Variants in CDHR2 observed in about 807,000 individuals in gnomAD.
The protein encoded by CDHR2 is cadherin-related family member 2.
Under a neutral mutation model 138.6 loss-of-function variants are expected in CDHR2, and 104 were observed. That is an observed-to-expected ratio of 0.75 (90% confidence interval 0.64 to 0.88). The LOEUF is 0.88. Ranked by LOEUF, CDHR2 falls within the 40% of genes least tolerant of loss-of-function variation. The pLI is 0.00. For synonymous variants in CDHR2, 755 were observed against 742.8 expected (o/e 1.02, Z -0.27); for missense variants, 1,624 against 1,727.6 (o/e 0.94, Z 1.06).
chr5:176,567,268 A>T (rs781255073), intron 3 of CDHR2, among the ~76,000 whole-genome samples: 4 of 151,396 alleles, frequency 2.6e-5, no homozygotes, highest in Non-Finnish European at 5.9e-5. Flanking sequence ...CCTGGGCTCA[A>T]CTGATCCTCC....
intron 22 of CDHR2, 64 bp downstream of exon 22, chr5:176,589,246 C>A (rs926249387): frequency 6.2e-7 from 1 of 1,602,470 alleles, no homozygotes; most frequent in Non-Finnish European, 8.5e-7. Context: ...TTTCAGGCAG[C>A]AAGTCCCCCA....
chr5:176,580,166 GCACTCACACA>G (rs1248817178), intron 16 of CDHR2, among the ~76,000 whole-genome samples: 4 of 90,202 alleles, frequency 4.4e-5, no homozygotes, highest in African/African-American at 1.8e-4. Context: ...ACTCACACAC[GCACTCACACA>G]CACTCACACA....
upstream of CDHR2, chr5:176,547,481 GCA>G (rs1757610176): frequency 6.6e-6 from 1 of 152,130 alleles, no homozygotes; most frequent in South Asian, 2.1e-4. Context: ...CTATTCATAG[GCA>G]CAGTCTCACT....
At chr5:176,579,854 T>C (rs531287963) in intron 16 of CDHR2, among the ~76,000 whole-genome samples, 41 of 152,208 alleles carry the variant, frequency 2.7e-4, no homozygotes, top group African/African-American at 9.9e-4. Flanking sequence ...TCCACCACCA[T>C]TCCTGCCCCC....
intron 31 of CDHR2, among the ~76,000 whole-genome samples, chr5:176,593,419 C>A (rs144220504): frequency 6.6e-6 from 1 of 152,160 alleles, no homozygotes; most frequent in Non-Finnish European, 1.5e-5. Flanking sequence ...TGGGCATGGA[C>A]CTGTTGTAAA....
Position 176,591,484 on chromosome 5 carries a change from G to C in CDHR2, c.3734G>C (p.Ser1245Thr). Residue 1245 changes from serine (S) to threonine (T), a missense_variant and splice_region_variant, in exon 30 of 32, where the codon AGC becomes ACC. Ser to Thr is a moderately conservative substitution (Grantham distance 58, BLOSUM62 1). Coordinates refer to ENST00000261944, the MANE Select transcript of CDHR2 (RefSeq NM_017675.6). ...CCCTCCAATGACCTGGACTCTGTCA[G>C]GTGAGCAGTGCCCCTCACAGCCAGG... is the stretch of plus-strand genomic sequence containing the variant. ...LSPSNDLDSV[S>T]VNSLDDNSVD... The C allele has an allele frequency of 6.2e-7, 1 of 1,611,128 alleles. No homozygotes were observed. The highest frequency in any genetic ancestry group is 1.1e-5 in the South Asian group (1 of 91,042).
At chr5:176,565,582 C>G (rs1224816944) in intron 2 of CDHR2, 90 bp from the exon 3 acceptor site, 1 of 1,315,180 alleles carries the variant, frequency 7.6e-7, no homozygotes, top group East Asian at 2.4e-5. Context: ...CCTGGGTGGC[C>G]ATAAGGACTA....
Position 176,575,514 on chromosome 5 carries a change from G to C in CDHR2, c.777G>C (p.Ser259=). ...ACCAGGCCCCATTCCAGGGAACCTC[G>C]GTGCTGACGGTGGAGGCTGTGGATG... The part of the protein sequence containing the change: ...SVAEDAAKGT[S]VLTVEAVDGD... Residue 259 remains serine (S), a synonymous_variant, in exon 10 of 32, where the codon TCG becomes TCC. Coordinates refer to ENST00000261944, the MANE Select transcript of CDHR2 (RefSeq NM_017675.6). 7 of 1,614,126 alleles carry C rather than the reference G, an allele frequency of 4.3e-6. No individual in the cohort carries two copies. The highest frequency in any genetic ancestry group is 5.9e-6 in the Non-Finnish European group (7 of 1,179,996).
rs774881341 is a variant in CDHR2, at chr5:176,575,173, C to A, written c.585C>A (p.Asn195Lys). The A allele has an allele frequency of 1.9e-6, 3 of 1,614,226 alleles. No individual in the cohort carries two copies. The South Asian group carries it at 3.3e-5, about 18-fold the overall frequency. The change falls in exon 8 of 32, where the codon AAC becomes AAA. Residue 195 changes from asparagine (N) to lysine (K), a missense_variant. This residue lies in a region of CDHR2 where 1,061 missense variants were observed against 1,136.6 expected (regional missense o/e 0.93). Transcript: ENST00000261944. Reference protein sequence around the residue: ...IVLNGSLSYNNKSAFYQLELK... With the variant: ...IVLNGSLSYNKKSAFYQLELK... Reference sequence around the variant, plus strand: ...TCAATGGCAGCCTCAGCTACAACAACAAGAGCGCTTTCTACCAGCTGGAGC... The same window carrying A: ...TCAATGGCAGCCTCAGCTACAACAAAAAGAGCGCTTTCTACCAGCTGGAGC...
chr5:176,558,333 A>G lies in CDHR2; in HGVS notation c.-15-7005A>G, dbSNP rs1262676263. Among the ~76,000 whole-genome samples, 3 of 146,118 alleles carry G rather than the reference A, an allele frequency of 2.1e-5. No individual in the cohort carries two copies. In the East Asian group the frequency reaches 6.0e-4, roughly 29 times the overall value. On this transcript the variant is annotated intron_variant, in intron 1 of 31. Coordinates refer to ENST00000261944, the MANE Select transcript of CDHR2 (RefSeq NM_017675.6). ...CGGGTTCACACCATTCTCCTGCCTC[A>G]GCCTCCCTAGTAGCTGGGACTACAG...
chr5:176,558,775 C>T (rs886835197), intron 1 of CDHR2, among the ~76,000 whole-genome samples: 4 of 152,232 alleles, frequency 2.6e-5, no homozygotes, highest in Non-Finnish European at 5.9e-5. Flanking sequence ...CCACCTCGGC[C>T]TCCCAAAGTG....
Position 176,568,684 on chromosome 5 carries a change from AG to A in CDHR2, c.133del (p.Ala45ProfsTer5), listed in dbSNP as rs770808217. The A allele has an allele frequency of 1.2e-6, 2 of 1,614,092 alleles. No individual in the cohort carries two copies. Among genetic ancestry groups the A allele is most frequent in the South Asian group, 2.2e-5 (2 of 91,088 alleles). On this transcript the variant is annotated frameshift_variant, in exon 4 of 32. Transcript: ENST00000261944. LOFTEE classifies it high-confidence loss of function. ...ILPEDLPVGA[Q>X]AFWLVAEDQD... ...GCCCCTGTCCCATCCCCAGGTGCCC[AG>A]GCCTTCTGGTTGGTAGCGGAAGACC...
intron 1 of CDHR2, among the ~76,000 whole-genome samples, chr5:176,558,346 G>A (rs1757889130): frequency 6.7e-6 from 1 of 149,980 alleles, no homozygotes; most frequent in South Asian, 2.1e-4. Context: ...CTCCCTAGTA[G>A]CTGGGACTAC....
intron 5 of CDHR2, among the ~76,000 whole-genome samples, chr5:176,569,344 C>T (rs529392689): frequency 6.1e-5 from 9 of 147,478 alleles, no homozygotes; most frequent in Non-Finnish European, 8.9e-5. Flanking sequence ...AGTGCAGTGG[C>T]GCGATCTCGG....
chr5:176,590,211 G>C (rs751403698), intron 25 of CDHR2, 42 bp from the exon 26 acceptor site: 10 of 1,611,354 alleles, frequency 6.2e-6, no homozygotes, highest in Non-Finnish European at 8.5e-6. Context: ...GGGCCTGCTG[G>C]GTGATCCAGG....
In CDHR2 at chr5:176,568,741, G is replaced by A. The variant is rs113573058; in HGVS notation, c.188G>A (p.Ser63Asn). 6.2e-7 allele frequency: 1 copy of A among 1,614,252 alleles called. No individual in the cohort carries two copies. Among genetic ancestry groups the A allele is most frequent in the Non-Finnish European group, 8.5e-7 (1 of 1,180,036 alleles). The change falls in exon 4 of 32, where the codon AGC becomes AAC. Residue 63 changes from serine to asparagine, a missense_variant. By Grantham distance (46) the Ser-to-Asn change is conservative. This residue lies in a region of CDHR2 where 1,061 missense variants were observed against 1,136.6 expected (regional missense o/e 0.93). Coordinates refer to ENST00000261944, the MANE Select transcript of CDHR2 (RefSeq NM_017675.6). ...QDNDPLTYGM[S>N]GPNAYFFAVT... is the part of the protein sequence containing the mutation. ...AATGACCCTCTGACCTATGGGATGA[G>A]CGGCCCCAATGCCTACTTCTTCGCT... is the stretch of plus-strand genomic sequence containing the variant.
chr5:176,581,270 G>T, intron 16 of CDHR2, 73 bp from the exon 17 acceptor site: 1 of 1,583,272 alleles, frequency 6.3e-7, no homozygotes, highest in Non-Finnish European at 8.6e-7. Flanking sequence ...GGAGAGGAGG[G>T]TCCGGCTGCA....
intron 20 of CDHR2, 104 bp from the exon 21 acceptor site, chr5:176,586,689 G>A: frequency 3.0e-6 from 3 of 1,006,632 alleles, no homozygotes; most frequent in Non-Finnish European, 4.5e-6. Flanking sequence ...GAGAGGTTGA[G>A]GGCAGGTTTA....
chr5:176,583,689 G>T (rs542342908), intron 17 of CDHR2, among the ~76,000 whole-genome samples: 1 of 152,290 alleles, frequency 6.6e-6, no homozygotes, highest in African/African-American at 2.4e-5. Flanking sequence ...GGTCCCCGGA[G>T]CCCAGCTCTG....
Sources: gnomAD v4.1 joint callset for allele counts (sites outside exome capture counted in the v4.1 genomes callset) on GRCh38, gnomAD v4.1.1 for gene constraint, gnomAD v4.1.1 regional missense constraint, MANE v1.5 for transcripts, NCBI Gene and HGNC (gene_info 2026-07-23, HGNC 2026-07-21) for gene names.